SH3KBP1: variants seen among roughly 807,000 people sequenced by gnomAD.
SH3KBP1 encodes SH3 domain containing kinase binding protein 1.
SH3KBP1 carries 8 observed loss-of-function variants against 50.1 expected under a neutral mutation model. The ratio of observed to expected loss-of-function variants is 0.16; its 90% CI spans 0.09 to 0.29. The LOEUF (loss-of-function observed/expected upper bound fraction) is 0.29, where lower values mean the gene tolerates loss of function less well. Among genes scored for constraint, SH3KBP1 ranks in the 10% least tolerant of loss-of-function variants. The probability of loss-of-function intolerance (pLI) is 1.00; values close to 1 mark genes in which losing one functional copy is unlikely to be tolerated. For synonymous variants in SH3KBP1, 227 were observed against 218.6 expected, an observed-to-expected ratio of 1.04 and a Z score of -0.34; for missense variants, 377 against 535.2, an observed-to-expected ratio of 0.70 and a Z score of 2.92.
intron 3 of SH3KBP1, among the ~76,000 whole-genome samples, chrX:19,736,999 G>A (rs752879815): frequency 1.2e-4 from 13 of 105,725 alleles, no homozygotes; most frequent in Admixed American, 1.1e-3. Context: ...CTTCACTTCC[G>A]AGGCTCAGAC....
At chrX:19,546,242 G>C (rs1356694686) in intron 14 of SH3KBP1, among the ~76,000 whole-genome samples, 192 bp from the exon 15 acceptor site, 1 of 112,429 alleles carries the variant, frequency 8.9e-6, no homozygotes, top group Admixed American at 9.4e-5. Flanking sequence ...GCAGAACTGC[G>C]ACTAAGAAGC....
intron 8 of SH3KBP1, among the ~76,000 whole-genome samples, chrX:19,628,004 A>G (rs936977377): frequency 4.4e-5 from 5 of 112,511 alleles, no homozygotes; most frequent in Non-Finnish European, 7.5e-5. Flanking sequence ...ATAGTATACA[A>G]TCATCTCAAT....
At chrX:19,725,926 T>C (rs2064209338) in intron 3 of SH3KBP1, among the ~76,000 whole-genome samples, 2 of 111,909 alleles carry the variant, frequency 1.8e-5, no homozygotes, top group African/African-American at 6.5e-5. Flanking sequence ...TGGAACCACG[T>C]TGCCTATGAC....
intron 6 of SH3KBP1, among the ~76,000 whole-genome samples, chrX:19,657,166 C>T (rs761060945): frequency 9.1e-6 from 1 of 110,188 alleles, no homozygotes; most frequent in Non-Finnish European, 1.9e-5. Context: ...TGCTTAAGCT[C>T]AGGAGTTGGA....
intron 2 of SH3KBP1, among the ~76,000 whole-genome samples, chrX:19,788,896 C>T (rs184902752): frequency 3.6e-5 from 4 of 112,291 alleles, no homozygotes; most frequent in Non-Finnish European, 5.6e-5. Context: ...GAGGCCTAGG[C>T]GGGCGGATCA....
At chrX:19,773,631 C>T (rs1470567701) in intron 2 of SH3KBP1, among the ~76,000 whole-genome samples, 1 of 108,800 alleles carries the variant, frequency 9.2e-6, no homozygotes, top group Non-Finnish European at 1.9e-5. Context: ...CTGAGACAGG[C>T]GGATCACAAG....
intron 15 of SH3KBP1, among the ~76,000 whole-genome samples, chrX:19,542,706 G>C (rs959411662): frequency 8.9e-6 from 1 of 111,867 alleles, no homozygotes; most frequent in East Asian, 2.8e-4. Flanking sequence ...TCTTGGAGGA[G>C]GACCAAGAAG....
chrX:19,878,426 C>G (rs192042625), intron 1 of SH3KBP1, among the ~76,000 whole-genome samples: 1 of 105,546 alleles, frequency 9.5e-6, no homozygotes, highest in African/African-American at 3.5e-5. Context: ...GCCCCAGCCT[C>G]CTGAGTAGCT....
chrX:19,583,500 T>C (rs999321851), intron 12 of SH3KBP1, among the ~76,000 whole-genome samples: 12 of 111,030 alleles, frequency 1.1e-4, no homozygotes, highest in Non-Finnish European at 2.1e-4. Context: ...TTTTTGAAAG[T>C]CTTTTCTTCC....
rs2064676748 is a variant in SH3KBP1, at chrX:19,535,209, C to T, written c.*1208G>A. The T allele has an allele frequency of 3.6e-6, 1 of 280,955 alleles. No homozygotes were observed. The highest frequency in any genetic ancestry group is 6.3e-6 in the Non-Finnish European group (1 of 159,914). 23.2% of individuals were successfully genotyped at this position (280,955 alleles called of 1,213,427 possible). On this transcript the variant is annotated 3_prime_UTR_variant, in exon 18 of 18. Transcript: ENST00000397821. ...AAAGCGGACAGGCAAACATCAGTTT[C>T]CTTGGGAAAGAAAAAGCAACTCCAT...
Position 19,695,803 on chromosome X carries a change from A to G in SH3KBP1, c.391-62T>C. The G allele has an allele frequency of 3.5e-6, 4 of 1,136,359 alleles. No individual in the cohort carries two copies. In the South Asian group the frequency reaches 5.6e-5, roughly 16 times the overall value. 93.6% of individuals were successfully genotyped at this position (1,136,359 alleles called of 1,213,427 possible). On this transcript the variant is annotated intron_variant, in intron 4 of 17. Transcript: ENST00000397821. The stretch of plus-strand genomic sequence containing the variant: ...GTCAGGTTAGACATGGTGGTTTCCA[A>G]TTTTGCCTCCCATATGTATAGTGTA...
At chrX:19,541,807 C>T in intron 16 of SH3KBP1, 118 bp downstream of exon 16, 4 of 826,891 alleles carry the variant, frequency 4.8e-6, no homozygotes, top group Non-Finnish European at 6.9e-6. Flanking sequence ...CTGCCACCAT[C>T]AACGGGGAGA....
At chrX:19,881,663 G>A (rs1260420753) in intron 1 of SH3KBP1, among the ~76,000 whole-genome samples, 1 of 111,269 alleles carries the variant, frequency 9.0e-6, no homozygotes, top group Non-Finnish European at 1.9e-5. Flanking sequence ...CCAAGACTGG[G>A]GACAGATGTG....
In SH3KBP1 at chrX:19,537,780, T is replaced by C; in HGVS notation, c.1893A>G (p.Lys631=). The C allele has an allele frequency of 8.3e-7, 1 of 1,208,120 alleles. No individual in the cohort carries two copies. Among genetic ancestry groups the C allele is most frequent in the Non-Finnish European group, 1.1e-6 (1 of 892,537 alleles). ...CAGACAATAACTGTTTAATCTCTCG[T>C]CTGAAAAGCAAATGGCAATGAAATT... is the stretch of plus-strand genomic sequence containing the variant. ...SIIETMKDQQ[K]REIKQLLSEL... is the part of the protein sequence containing the mutation. Residue 631 remains lysine (K), a splice_region_variant and synonymous_variant, in exon 17 of 18, where the codon AAA becomes AAG. Transcript: ENST00000397821.
intron 1 of SH3KBP1, among the ~76,000 whole-genome samples, chrX:19,853,068 A>G (rs2147487182): frequency 8.9e-6 from 1 of 112,745 alleles, no homozygotes; most frequent in South Asian, 3.6e-4. Flanking sequence ...GCTTGAGGAG[A>G]GAAAGTCTGG....
At chrX:19,879,658 G>A (rs952734746) in intron 1 of SH3KBP1, among the ~76,000 whole-genome samples, 4 of 112,525 alleles carry the variant, frequency 3.6e-5, no homozygotes, top group African/African-American at 1.3e-4. Context: ...AGGTATCAAC[G>A]GAAGAGAGGC....
At chrX:19,570,808 T>C (rs1334626326) in intron 12 of SH3KBP1, among the ~76,000 whole-genome samples, 1 of 110,901 alleles carries the variant, frequency 9.0e-6, no homozygotes, top group African/African-American at 3.3e-5. Flanking sequence ...ATACTAAAAT[T>C]AGCCAGGTGT....
At chrX:19,771,327 A>G (rs1017911746) in intron 2 of SH3KBP1, among the ~76,000 whole-genome samples, 5 of 111,664 alleles carry the variant, frequency 4.5e-5, no homozygotes, top group African/African-American at 1.6e-4. Flanking sequence ...AGGTAGGTCT[A>G]TGTGCTTTCA....
chrX:19,885,776 C>T (rs2069568273), intron 1 of SH3KBP1, among the ~76,000 whole-genome samples: 1 of 111,539 alleles, frequency 9.0e-6, no homozygotes, highest in African/African-American at 3.3e-5. Context: ...AAAGTATATA[C>T]TTCTGCCAAT....
Sources: allele counts gnomAD v4.1 joint callset (sites outside exome capture counted in the v4.1 genomes callset), GRCh38; gene constraint gnomAD v4.1.1; transcripts MANE v1.5; gene names NCBI Gene and HGNC (gene_info 2026-07-23, HGNC 2026-07-21).